ABCA13: variants seen among roughly 807,000 people sequenced by gnomAD.
ABCA13 encodes the protein ATP-binding cassette sub-family A member 13.
ABCA13 carries 476 observed loss-of-function variants against 478.7 expected under a neutral mutation model. The observed-to-expected ratio is 0.99, with a 90% CI of 0.92 to 1.07. The LOEUF (loss-of-function observed/expected upper bound fraction) is 1.07. Ranked by LOEUF, ABCA13 falls within the 50% of genes least tolerant of loss-of-function variation. ABCA13 has a pLI of 0.00. For synonymous variants in ABCA13, 2,252 were observed against 2,158.9 expected, an observed-to-expected ratio of 1.04 and a Z score of -1.20; for missense variants, 6,060 against 5,910.6, an observed-to-expected ratio of 1.03 and a Z score of -0.83.
At chr7:48,248,490 G>T in intron 14 of ABCA13, 46 bp downstream of exon 14, 1 of 1,445,124 alleles carries the variant, frequency 6.9e-7, no homozygotes, top group South Asian at 1.5e-5. Flanking sequence ...TGGGACATCA[G>T]AATGATTTCA....
intron 21 of ABCA13, 48 bp downstream of exon 21, chr7:48,295,911 G>T: frequency 6.5e-7 from 1 of 1,550,204 alleles, no homozygotes. Flanking sequence ...TCCATTCATA[G>T]AGAGGATGTC....
intron 57 of ABCA13, among the ~76,000 whole-genome samples, chr7:48,588,829 C>T (rs1469650421): frequency 6.6e-6 from 1 of 152,148 alleles, no homozygotes; most frequent in Non-Finnish European, 1.5e-5. Context: ...GAGTTCTCAA[C>T]AGAGAGACTA....
chr7:48,307,495 G>A (rs1801079456), intron 23 of ABCA13, among the ~76,000 whole-genome samples: 1 of 152,116 alleles, frequency 6.6e-6, no homozygotes, highest in African/African-American at 2.4e-5. Flanking sequence ...AAAGCTACAG[G>A]ACTGAAGTTG....
At chr7:48,188,891 T>C (rs918651862) in intron 1 of ABCA13, among the ~76,000 whole-genome samples, 13 of 152,142 alleles carry the variant, frequency 8.5e-5, no homozygotes, top group African/African-American at 3.1e-4. Context: ...AAATTCATGG[T>C]GAGAAGTGCC....
Position 48,580,240 on chromosome 7 carries a change from T to A in ABCA13, c.14371T>A (p.Ser4791Thr). 6.2e-7 allele frequency: 1 copy of A among 1,611,156 alleles called. No homozygotes were observed. The highest frequency in any genetic ancestry group is 8.5e-7 in the Non-Finnish European group (1 of 1,178,834). ...RTPMGDAVDL[S>T]SAGTAGVLIG... ...TCTCTGCAGAGACGCCGTGGACCTG[T>A]CTTCTGCTGGCACGGCAGGCGTGCT... Residue 4791 changes from serine (S) to threonine (T), a missense_variant, in exon 56 of 62, where the codon TCT (serine) becomes ACT (threonine). Ser to Thr is a moderately conservative substitution (Grantham distance 58). Coordinates refer to ENST00000435803, the MANE Select transcript of ABCA13 (RefSeq NM_152701.5).
intron 16 of ABCA13, among the ~76,000 whole-genome samples, chr7:48,271,020 G>T (rs540437845): frequency 6.6e-6 from 1 of 152,314 alleles, no homozygotes; most frequent in African/African-American, 2.4e-5. Context: ...TGTTAATACG[G>T]TGATGATCAG....
intron 43 of ABCA13, among the ~76,000 whole-genome samples, chr7:48,456,807 TG>T (rs1413929352): frequency 6.9e-6 from 1 of 144,210 alleles, no homozygotes; most frequent in Non-Finnish European, 1.5e-5. Flanking sequence ...TTTATTTATT[TG>T]TTTTTTTTTT....
chr7:48,532,077 A>G (rs1833277433), intron 55 of ABCA13, among the ~76,000 whole-genome samples: 1 of 152,010 alleles, frequency 6.6e-6, no homozygotes, highest in East Asian at 1.9e-4. Flanking sequence ...GTCTTGTTCC[A>G]ATTCTCAGGG....
At chr7:48,597,975 A>G (rs767574782) in intron 58 of ABCA13, among the ~76,000 whole-genome samples, 47 of 152,166 alleles carry the variant, frequency 3.1e-4, no homozygotes, top group Non-Finnish European at 3.1e-4. Context: ...TCCAATTTAC[A>G]TAGGGTTCTC....
chr7:48,533,133 A>G, intron 55 of ABCA13, among the ~76,000 whole-genome samples: 1 of 152,086 alleles, frequency 6.6e-6, no homozygotes, highest in Non-Finnish European at 1.5e-5. Flanking sequence ...TAGGCATTTA[A>G]GGCTATGAGC....
In ABCA13 at chr7:48,374,341, G is replaced by A. The variant is rs778250515; in HGVS notation, c.11134-6G>A. The stretch of plus-strand genomic sequence containing the variant: ...GTGCAGTTTTTCTCCATCAATCTGT[G>A]GGCAGTGCCTTCTTTCGACAACCGC... On this transcript the variant is annotated splice_region_variant and splice_polypyrimidine_tract_variant and intron_variant, in intron 33 of 61. Coordinates refer to ENST00000435803, the MANE Select transcript of ABCA13 (RefSeq NM_152701.5). 2 of 1,606,630 alleles carry A rather than the reference G, an allele frequency of 1.2e-6. No individual in the cohort carries two copies. Among genetic ancestry groups the A allele is most frequent in the South Asian group, 1.1e-5 (1 of 88,932 alleles).
chr7:48,500,884 G>A (rs1236724929), intron 48 of ABCA13, among the ~76,000 whole-genome samples: 1 of 152,166 alleles, frequency 6.6e-6, no homozygotes, highest in African/African-American at 2.4e-5. Context: ...ACCTTACACA[G>A]GACATAGTCC....
intron 45 of ABCA13, among the ~76,000 whole-genome samples, chr7:48,479,190 T>C (rs1828491167): frequency 6.6e-6 from 1 of 152,000 alleles, no homozygotes; most frequent in Admixed American, 6.6e-5. Context: ...GACCTCGTGA[T>C]CTGCCCGCCT....
At chr7:48,486,023 A>G (rs1394036201) in intron 47 of ABCA13, among the ~76,000 whole-genome samples, 4 of 152,144 alleles carry the variant, frequency 2.6e-5, no homozygotes, top group Non-Finnish European at 5.9e-5. Context: ...TACATTTTAC[A>G]TGTATTCCAG....
chr7:48,593,146 T>C (rs1474258165), intron 57 of ABCA13, among the ~76,000 whole-genome samples: 2 of 151,800 alleles, frequency 1.3e-5, no homozygotes, highest in African/African-American at 4.8e-5. Context: ...TTATTTATTC[T>C]TTTTTTTCCT....
intron 27 of ABCA13, among the ~76,000 whole-genome samples, chr7:48,329,675 A>T (rs932028287): frequency 6.6e-6 from 1 of 151,932 alleles, no homozygotes; most frequent in Non-Finnish European, 1.5e-5. Context: ...CTATCCATTT[A>T]TCTATCCATA....
At chr7:48,643,458 C>G (rs578213175) in intron 60 of ABCA13, 65 bp downstream of exon 60, 2 of 1,387,994 alleles carry the variant, frequency 1.4e-6, no homozygotes, top group African/African-American at 2.9e-5. Context: ...ATGTACCTGT[C>G]TTTTTTTGTT....
chr7:48,546,247 A>G (rs1784802986), intron 55 of ABCA13, among the ~76,000 whole-genome samples: 2 of 151,862 alleles, frequency 1.3e-5, no homozygotes, highest in South Asian at 4.1e-4. Context: ...GCCACTAGCA[A>G]CATTTCAAGA....
At chr7:48,189,777 G>A (rs912941163) in intron 1 of ABCA13, among the ~76,000 whole-genome samples, 3 of 152,002 alleles carry the variant, frequency 2.0e-5, no homozygotes, top group Admixed American at 6.6e-5. Flanking sequence ...ATAAATAAAA[G>A]GATTGATAAA....
Sources: gnomAD v4.1 joint callset for allele counts (sites outside exome capture counted in the v4.1 genomes callset) on GRCh38, gnomAD v4.1.1 for gene constraint, MANE v1.5 for transcripts, NCBI Gene and HGNC (gene_info 2026-07-23, HGNC 2026-07-21) for gene names.